The following UGT1A6 variants were observed in gnomAD, a reference collection of about 807,000 sequenced individuals.
The protein encoded by UGT1A6 is UDP glucuronosyltransferase family 1 member A6, also known as UDP-glucuronosyltransferase 1A6.
A neutral mutation model predicts 44.4 loss-of-function variants in UGT1A6; 32 were observed. The ratio of observed to expected loss-of-function variants is 0.72; its 90% confidence interval spans 0.54 to 0.97. The LOEUF (loss-of-function observed/expected upper bound fraction) is 0.97. Among genes scored for constraint, UGT1A6 ranks in the 50% least tolerant of loss-of-function variants. The pLI is 0.00. For missense variants in UGT1A6, 685 were observed against 661.9 expected, an observed-to-expected ratio of 1.03 and a Z score of -0.38; for synonymous variants, 238 against 248.5, an observed-to-expected ratio of 0.96 and a Z score of 0.40.
In UGT1A6 at chr2:233,754,967, C is replaced by T. The variant is rs562774815; in HGVS notation, c.862-12067C>T. ...ATGGGTCCCGGCCGCCAAAGAACTC[C>T]CTGAAGACCTCGGCGGGGTCACGGA... On this transcript the variant is annotated intron_variant, in intron 1 of 4. Coordinates refer to ENST00000305139, the MANE Select transcript of UGT1A6 (RefSeq NM_001072.4). 6 of 1,302,806 alleles carry T rather than the reference C, an allele frequency of 4.6e-6. No homozygotes were observed. In the African/African-American group the frequency reaches 7.5e-5, roughly 16 times the overall value. 80.7% of individuals were successfully genotyped at this position (1,302,806 alleles called of 1,614,324 possible). A position where few individuals can be genotyped will look rare whatever the true frequency, so the allele number is the denominator to read the frequency against.
In UGT1A6 at chr2:233,734,701, C is replaced by T. The variant is rs1205669329; in HGVS notation, c.862-32333C>T. On this transcript the variant is annotated intron_variant, in intron 1 of 4. Coordinates refer to ENST00000305139, the MANE Select transcript of UGT1A6 (RefSeq NM_001072.4). ...CTGATTTAAATGTGTCCCAGAGATT[C>T]TGGTATGTTGTGTCTTTGTTCTCGT... Among the ~76,000 whole-genome samples, 1,503 of 152,228 alleles carry T rather than the reference C, an allele frequency of 9.9e-3. 21 individuals carry two copies. The highest frequency in any genetic ancestry group is 0.035 in the African/African-American group (1,434 of 41,552).
At chr2:233,757,297 T>G (rs1200339866) in intron 1 of UGT1A6, among the ~76,000 whole-genome samples, 15 of 102,166 alleles carry the variant, frequency 1.5e-4, no homozygotes, top group South Asian at 3.6e-4. Context: ...CAGCTGGGGG[T>G]TGGGGGACAG....
chr2:233,759,342 C>A (rs1337999825), intron 1 of UGT1A6, among the ~76,000 whole-genome samples: 1 of 152,112 alleles, frequency 6.6e-6, no homozygotes, highest in Non-Finnish European at 1.5e-5. Flanking sequence ...TTCAGGTGAG[C>A]GCTGAAAATC....
At chr2:233,725,472 G>A (rs2125714310) in intron 1 of UGT1A6, among the ~76,000 whole-genome samples, 1 of 152,100 alleles carries the variant, frequency 6.6e-6, no homozygotes, top group East Asian at 1.9e-4. Context: ...TAGTGGGCAT[G>A]TTAGAAACCA....
At chr2:233,757,558 A>ATATATATATATG (rs1553619909) in intron 1 of UGT1A6, among the ~76,000 whole-genome samples, 2 of 124,446 alleles carry the variant, frequency 1.6e-5, no homozygotes, top group East Asian at 4.2e-4. Context: ...ATATATATAT[A>ATATATATATATG]TATGTATATA....
chr2:233,772,482 T>C lies in UGT1A6; in HGVS notation c.1522T>C (p.Cys508Arg). Residue 508 changes from cysteine to arginine, a missense_variant, in exon 5 of 5, where the codon TGT becomes CGT. Physicochemically the swap from Cys to Arg is radical, Grantham distance 180. Coordinates refer to ENST00000305139, the MANE Select transcript of UGT1A6 (RefSeq NM_001072.4). ...VLTVAFITFK[C>R]CAYGYRKCLG... ...GACAGTGGCCTTCATCACCTTTAAA[T>C]GTTGTGCTTATGGCTACCGGAAATG... The C allele has an allele frequency of 6.2e-7, 1 of 1,614,124 alleles. No individual in the cohort carries two copies. Among genetic ancestry groups the C allele is most frequent in the Non-Finnish European group, 8.5e-7 (1 of 1,180,034 alleles).
At chr2:233,719,730 C>G in intron 1 of UGT1A6, 3 of 1,613,500 alleles carry the variant, frequency 1.9e-6, no homozygotes, top group Non-Finnish European at 2.5e-6. Flanking sequence ...CCAGGCAAAA[C>G]ACTTTTTAAA....
intron 1 of UGT1A6, among the ~76,000 whole-genome samples, chr2:233,725,821 C>A (rs539043727): frequency 6.6e-6 from 1 of 152,130 alleles, no homozygotes; most frequent in South Asian, 2.1e-4. Flanking sequence ...TATTGGATAC[C>A]AGTATTGCTA....
rs2126036602 is a variant in UGT1A6 at position 233,768,050 on chromosome 2, C to G, written c.1081+114C>G. On this transcript the variant is annotated intron_variant, in intron 3 of 4. Transcript: ENST00000305139. ...TTGAAAATATTATGGCCAACATATC[C>G]TACATTGCTTTTTATCTAGTGGGGT... 3 of 1,606,318 alleles carry G rather than the reference C, an allele frequency of 1.9e-6. No individual in the cohort carries two copies. In the Middle Eastern group the frequency reaches 5.0e-4, roughly 265 times the overall value.
intron 1 of UGT1A6, chr2:233,729,388 G>T: frequency 1.2e-6 from 2 of 1,613,884 alleles, no homozygotes; most frequent in Non-Finnish European, 1.7e-6. Context: ...GACCCAGGAT[G>T]AATTTGATCG....
rs766578846 is a variant in UGT1A6 at position 233,743,643 on chromosome 2, T to C, written c.862-23391T>C. On this transcript the variant is annotated intron_variant, in intron 1 of 4. Transcript: ENST00000305139. ...AAGACGTCGGCTGGGTCGCGGAAGC[T>C]GAAGACGTACTCGAAGGGGTCCTCG... 2.2e-6 allele frequency: 3 copies of C among 1,367,168 alleles called. No homozygotes were observed. In the African/African-American group the frequency reaches 4.5e-5, roughly 20 times the overall value. The allele number at this position is 1,367,168 out of a possible 1,614,324, so 84.7% of individuals were successfully genotyped here.
chr2:233,713,285 A>T, intron 1 of UGT1A6: 1 of 1,614,230 alleles, frequency 6.2e-7, no homozygotes. Context: ...GTCACACTCA[A>T]TCGTTCTTTG....
At position 233,713,862 on chromosome 2, in the gene UGT1A6, T is replaced by G. The variant is rs765022217; in HGVS notation, c.861+19997T>G. 94 of 1,613,944 alleles carry G rather than the reference T, an allele frequency of 5.8e-5. No homozygotes were observed. In the African/African-American group the frequency reaches 1.1e-3, roughly 20 times the overall value. On this transcript the variant is annotated intron_variant, in intron 1 of 4. Transcript: ENST00000305139. ...CAACGGGAAGCCACTATCTCAGGTC[T>G]GTATTGGTGCCTTTATCCAATCAAT...
chr2:233,739,953 G>A (rs1339008674), intron 1 of UGT1A6, among the ~76,000 whole-genome samples: 1 of 151,912 alleles, frequency 6.6e-6, no homozygotes, highest in Non-Finnish European at 1.5e-5. Context: ...CCTGGTGGGA[G>A]CTGATTGAAT....
At chr2:233,702,448 T>G (rs17863787) in intron 1 of UGT1A6, among the ~76,000 whole-genome samples, 44,666 of 152,028 alleles carry the variant, frequency 0.29, 6,753 homozygotes, top group South Asian at 0.36. Flanking sequence ...AGGATAACAT[T>G]TATTTCTTTT....
At chr2:233,719,379 T>C in intron 1 of UGT1A6, 1 of 1,613,988 alleles carries the variant, frequency 6.2e-7, no homozygotes, top group Non-Finnish European at 8.5e-7. Context: ...GGGCACACAG[T>C]GTCCAAATCC....
chr2:233,715,125 A>AT (rs1340415834), intron 1 of UGT1A6, among the ~76,000 whole-genome samples: 1 of 152,104 alleles, frequency 6.6e-6, no homozygotes, highest in Non-Finnish European at 1.5e-5. Flanking sequence ...ATCTCAAGTG[A>AT]TTCACTCACC....
At chr2:233,715,712 C>T (rs1385583462) in intron 1 of UGT1A6, among the ~76,000 whole-genome samples, 1 of 152,152 alleles carries the variant, frequency 6.6e-6, no homozygotes, top group Admixed American at 6.5e-5. Context: ...GTGGAGGCTG[C>T]AGTGTGCCAT....
intron 1 of UGT1A6, among the ~76,000 whole-genome samples, chr2:233,744,623 G>T (rs1465647088): frequency 6.6e-6 from 1 of 151,866 alleles, no homozygotes; most frequent in Admixed American, 6.5e-5. Flanking sequence ...CTATAGAGAG[G>T]TGGATTCTCA....
Sources: allele counts gnomAD v4.1 joint callset (sites outside exome capture counted in the v4.1 genomes callset), GRCh38; gene constraint gnomAD v4.1.1; transcripts MANE v1.5; gene names NCBI Gene and HGNC (gene_info 2026-07-23, HGNC 2026-07-21).